Variants in PRG4 observed in about 807,000 individuals in gnomAD.
PRG4 encodes articular superficial zone protein.
PRG4 carries 61 observed loss-of-function variants against 91.2 expected under a neutral mutation model. The observed-to-expected ratio is 0.67, with a 90% CI of 0.54 to 0.83. The LOEUF (loss-of-function observed/expected upper bound fraction) is 0.83, where lower values mean the gene tolerates loss of function less well. PRG4 is among the 40% of genes least tolerant of loss of function. The probability of loss-of-function intolerance (pLI) is 0.00; values close to 1 mark genes in which losing one functional copy is unlikely to be tolerated. For missense variants in PRG4, 1,564 were observed against 1,714.2 expected, an observed-to-expected ratio of 0.91 and a Z score of 1.55; for synonymous variants, 576 against 614.2, an observed-to-expected ratio of 0.94 and a Z score of 0.92.
At chr1:186,304,356 T>C (rs889516344) in intron 5 of PRG4, 99 bp downstream of exon 5, 1 of 1,383,534 alleles carries the variant, frequency 7.2e-7, no homozygotes, top group Non-Finnish European at 1.0e-6. Context: ...AGGGTAATCT[T>C]AGGAATCATG....
chr1:186,311,534 T>C lies in PRG4; in HGVS notation c.3731T>C (p.Val1244Ala), dbSNP rs1227808385. Residue 1244 changes from valine to alanine, a missense_variant, in exon 10 of 13, where the codon GTG becomes GCG. Transcript: ENST00000445192. The part of the protein sequence containing the change: ...KGFGGLTGQI[V>A]AALSTAKYKN... ...TTTGGAGGACTAACTGGACAAATAG[T>C]GGCAGCGCTTTCAACAGCTAAATAT... 6.2e-7 allele frequency: 1 copy of C among 1,613,980 alleles called. No individual in the cohort carries two copies. Among genetic ancestry groups the C allele is most frequent in the Non-Finnish European group, 8.5e-7 (1 of 1,179,976 alleles).
chr1:186,304,080 T>C (rs1656390596), intron 4 of PRG4, 28 bp from the exon 5 acceptor site: 1 of 1,612,118 alleles, frequency 6.2e-7, no homozygotes, highest in Non-Finnish European at 8.5e-7. Flanking sequence ...AAACAAGATG[T>C]TAACTGACTT....
At chr1:186,313,654 T>A in intron 12 of PRG4, 27 bp from the exon 13 acceptor site, 1 of 1,412,822 alleles carries the variant, frequency 7.1e-7, no homozygotes, top group South Asian at 1.2e-5. Flanking sequence ...TCTTTTTAAC[T>A]AAAAAAATGT....
Position 186,312,200 on chromosome 1 carries a change from T to A in PRG4, c.3819T>A (p.Tyr1273Ter). 6.2e-7 allele frequency: 1 copy of A among 1,614,006 alleles called. No individual in the cohort carries two copies. The highest frequency in any genetic ancestry group is 8.5e-7 in the Non-Finnish European group (1 of 1,179,922). ...KRGGSIQQYI[Y>*]KQEPVQKCPG... ...GTGGCAGCATTCAGCAGTATATTTA[T>A]AAACAGGAACCTGTACAGAAGTGCC... The change falls in exon 11 of 13, where the codon TAT (tyrosine) becomes TAA (stop). Residue 1273 changes from tyrosine to a stop codon, truncating the protein, a stop_gained. Transcript: ENST00000445192. LOFTEE classifies it high-confidence loss of function.
rs763474941 is a variant in PRG4, at chr1:186,306,605, A to G, written c.886A>G (p.Thr296Ala). 9 of 1,613,500 alleles carry G rather than the reference A, an allele frequency of 5.6e-6. No homozygotes were observed. The highest frequency in any genetic ancestry group is 6.8e-6 in the Non-Finnish European group (8 of 1,179,618). The change falls in exon 7 of 13, where the codon ACT becomes GCT. Residue 296 changes from threonine (T) to alanine (A), a missense_variant. Thr to Ala is a moderately conservative substitution (Grantham distance 58). This residue lies in a region of PRG4 where 437 missense variants were observed against 459.0 expected (regional missense o/e 0.95). Transcript: ENST00000445192. Reference protein sequence around the residue: ...TKETTTTNKQTSTDGKEKTTS... With the variant: ...TKETTTTNKQASTDGKEKTTS... ...AGAAACTACTACAACAAATAAACAG[A>G]CTTCAACTGATGGAAAAGAGAAGAC...
chr1:186,309,582 ATAATT>A (rs1222580274), intron 7 of PRG4, among the ~76,000 whole-genome samples: 1 of 152,232 alleles, frequency 6.6e-6, no homozygotes, highest in African/African-American at 2.4e-5. Context: ...CCAATTCATA[ATAATT>A]TATTTCATAT....
chr1:186,309,246 T>G (rs758602120), intron 7 of PRG4, 106 bp downstream of exon 7: 8 of 1,188,112 alleles, frequency 6.7e-6, no homozygotes, highest in African/African-American at 6.1e-5. Context: ...ATATATTACC[T>G]GACCTTGTTA....
chr1:186,300,083 A>C lies in PRG4; in HGVS notation c.77-8A>C, dbSNP rs1656101252. 1.9e-6 allele frequency: 3 copies of C among 1,613,862 alleles called. No individual in the cohort carries two copies. The highest frequency in any genetic ancestry group is 2.5e-6 in the Non-Finnish European group (3 of 1,179,850). ...GGCCATATTTACGCCAGTATTGTAT[A>C]ATTTTAGATTTATCAAGCTGTGCAG... On this transcript the variant is annotated splice_polypyrimidine_tract_variant and splice_region_variant and intron_variant, in intron 2 of 12. Transcript: ENST00000445192.
chr1:186,302,019 A>G (rs1656255544), intron 4 of PRG4, among the ~76,000 whole-genome samples: 1 of 152,168 alleles, frequency 6.6e-6, no homozygotes, highest in Admixed American at 6.5e-5. Flanking sequence ...GGTTAAATCA[A>G]CAGTAATCAA....
At chr1:186,297,198 C>T (rs969045522) in intron 2 of PRG4, among the ~76,000 whole-genome samples, 2 of 152,050 alleles carry the variant, frequency 1.3e-5, no homozygotes, top group Non-Finnish European at 2.9e-5. Context: ...TTCTATGGTT[C>T]TCTCGAAAGT....
rs756673372 is a variant in PRG4, at chr1:186,306,328, C to T, written c.609C>T (p.Asn203=). Residue 203 remains asparagine (N), a synonymous_variant, in exon 7 of 13, where the codon AAC becomes AAT. Coordinates refer to ENST00000445192, the MANE Select transcript of PRG4 (RefSeq NM_005807.6). ...ELQKKLKVKD[N]KKNRTKKKPT... ...ATATTTTTTCTCCAGTAAAAGATAACAAGAAGAACAGAACTAAAAAGAAAC... is the reference window on the plus strand; with the variant it reads ...ATATTTTTTCTCCAGTAAAAGATAATAAGAAGAACAGAACTAAAAAGAAAC... The T allele has an allele frequency of 1.9e-6, 3 of 1,587,964 alleles. No individual in the cohort carries two copies. In the South Asian group the frequency reaches 3.5e-5, roughly 19 times the overall value.
rs1454610312 is a variant in PRG4 at position 186,311,125 on chromosome 1, T to C, written c.3591T>C (p.Thr1197=). The C allele has an allele frequency of 1.9e-6, 3 of 1,613,524 alleles. No individual in the cohort carries two copies. The Admixed American group carries it at 5.0e-5, about 27-fold the overall frequency. ...EVWGIPSPID[T]VFTRCNCEGK... ...GGGGTATTCCTTCCCCCATTGATAC[T>C]GTTTTTACTAGGTGCAACTGTGAAG... Residue 1197 remains threonine, a synonymous_variant, in exon 9 of 13, where the codon ACT becomes ACC. Transcript: ENST00000445192.
In PRG4 at chr1:186,300,014, C is replaced by G; in HGVS notation, c.77-77C>G. 7 of 1,543,488 alleles carry G rather than the reference C, an allele frequency of 4.5e-6. No homozygotes were observed. In the South Asian group the frequency reaches 7.8e-5, roughly 17 times the overall value. ...AATAAAATTCTCTCTCACCAAGTGG[C>G]TTTGTCCCCCTCGTTAGATTGCTCC... is the stretch of plus-strand genomic sequence containing the variant. On this transcript the variant is annotated intron_variant, in intron 2 of 12. Coordinates refer to ENST00000445192, the MANE Select transcript of PRG4 (RefSeq NM_005807.6).
chr1:186,312,041 TTATTAA>T, intron 10 of PRG4, 128 bp from the exon 11 acceptor site: 2 of 686,650 alleles, frequency 2.9e-6, no homozygotes, highest in Non-Finnish European at 2.4e-6. Context: ...CTAATAGCCA[TTATTAA>T]TATCAATATA....
chr1:186,311,123 A>G lies in PRG4; in HGVS notation c.3589A>G (p.Thr1197Ala). The part of the protein sequence containing the change: ...EVWGIPSPID[T>A]VFTRCNCEGK... ...TTGGGGTATTCCTTCCCCCATTGAT[A>G]CTGTTTTTACTAGGTGCAACTGTGA... The change falls in exon 9 of 13, where the codon ACT becomes GCT. Residue 1197 changes from threonine to alanine, a missense_variant. Thr to Ala is a moderately conservative substitution (Grantham distance 58). This residue lies in a region of PRG4 where 1,079 missense variants were observed against 1,162.2 expected (regional missense o/e 0.93). Transcript: ENST00000445192. The G allele has an allele frequency of 6.2e-7, 1 of 1,613,448 alleles. No homozygotes were observed.
In PRG4 at chr1:186,309,152, C is replaced by A; in HGVS notation, c.3421+12C>A. 1 of 1,603,448 alleles carries A rather than the reference C, an allele frequency of 6.2e-7. No individual in the cohort carries two copies. The highest frequency in any genetic ancestry group is 1.1e-5 in the South Asian group (1 of 90,854). The stretch of plus-strand genomic sequence containing the variant: ...TCCCATGCTTTCCGGTATTAAGAAT[C>A]AGTTATTTTCATTTTTAAAGCTGGT... On this transcript the variant is annotated intron_variant, in intron 7 of 12. Coordinates refer to ENST00000445192, the MANE Select transcript of PRG4 (RefSeq NM_005807.6).
chr1:186,313,342 A>T (rs1303773034), intron 12 of PRG4: 1 of 318,804 alleles, frequency 3.1e-6, no homozygotes, highest in Non-Finnish European at 5.8e-6. Flanking sequence ...TCTGCCTGTA[A>T]TTTCATAATA....
In PRG4 at chr1:186,306,625, G is replaced by C. The variant is rs778788603; in HGVS notation, c.906G>C (p.Glu302Asp). The C allele has an allele frequency of 1.9e-6, 3 of 1,613,536 alleles. No homozygotes were observed. Among genetic ancestry groups the C allele is most frequent in the East Asian group, 4.5e-5 (2 of 44,884 alleles). Reference protein sequence around the residue: ...TNKQTSTDGKEKTTSAKETQS... With the variant: ...TNKQTSTDGKDKTTSAKETQS... ...AACAGACTTCAACTGATGGAAAAGA[G>C]AAGACTACTTCCGCTAAAGAGACAC... The change falls in exon 7 of 13, where the codon GAG (glutamate) becomes GAC (aspartate). Residue 302 changes from glutamate (E) to aspartate (D), a missense_variant. Around this residue, in one of 3 missense-constraint regions of PRG4, gnomAD observed 437 missense variants for 459.0 expected, o/e 0.95. Transcript: ENST00000445192.
At position 186,312,372 on chromosome 1, in the gene PRG4, G is replaced by A. The variant is rs778793761; in HGVS notation, c.3991G>A (p.Gly1331Ser). ...SPARLAYQDK[G>S]VLHNEVKVSI... is the part of the protein sequence containing the mutation. ...TGCCAGACTGGCTTATCAAGACAAAGGTAACATTTTTATTGTGTTAAAAAA... is the reference window on the plus strand; with the variant it reads ...TGCCAGACTGGCTTATCAAGACAAAAGTAACATTTTTATTGTGTTAAAAAA... The change falls in exon 11 of 13, where the codon GGT (glycine) becomes AGT (serine). Residue 1331 changes from glycine (G) to serine (S), a missense_variant and splice_region_variant. Physicochemically the swap from Gly to Ser is moderately conservative, Grantham distance 56. This residue lies in a region of PRG4 where 1,079 missense variants were observed against 1,162.2 expected (regional missense o/e 0.93). Coordinates refer to ENST00000445192, the MANE Select transcript of PRG4 (RefSeq NM_005807.6). The A allele has an allele frequency of 1.2e-5, 20 of 1,603,878 alleles. No homozygotes were observed. Among genetic ancestry groups the A allele is most frequent in the Non-Finnish European group, 7.7e-6 (9 of 1,176,288 alleles).
Sources: allele counts gnomAD v4.1 joint callset (sites outside exome capture counted in the v4.1 genomes callset), GRCh38; gene constraint gnomAD v4.1.1; regional missense constraint gnomAD v4.1.1; transcripts MANE v1.5; gene names NCBI Gene and HGNC (gene_info 2026-07-23, HGNC 2026-07-21).